Variants in LINGO1 observed in about 807,000 individuals in gnomAD.
LINGO1 encodes the protein leucine rich repeat and Ig domain containing 1, also known as leucine-rich repeat and immunoglobulin-like domain-containing nogo receptor-interacting protein 1.
In LINGO1, 11 loss-of-function variants were observed where a neutral mutation model predicts 37.3. The observed-to-expected ratio is 0.29, with a 90% CI of 0.19 to 0.49. The LOEUF is 0.49. Ranked by LOEUF, LINGO1 falls within the 20% of genes least tolerant of loss-of-function variation. The pLI is 0.99. For synonymous variants in LINGO1, 387 were observed against 403.0 expected, an observed-to-expected ratio of 0.96 and a Z score of 0.48; for missense variants, 585 against 878.2, an observed-to-expected ratio of 0.67 and a Z score of 4.22.
rs941964828 is a variant in LINGO1, at chr15:77,613,672, G to A, written c.*372C>T. 1.7e-5 allele frequency: 4 copies of A among 229,284 alleles called. No homozygotes were observed. Among genetic ancestry groups the A allele is most frequent in the African/African-American group, 9.0e-5 (4 of 44,448 alleles). 14.2% of individuals were successfully genotyped at this position (229,284 alleles called of 1,614,324 possible). On this transcript the variant is annotated 3_prime_UTR_variant, in exon 2 of 2. Coordinates refer to ENST00000355300, the MANE Select transcript of LINGO1 (RefSeq NM_032808.7). ...GCATTCCGACTAGCTATAGGAAATAGTTTTTTTCTCTTTTTATTATTTCAA... is the reference window on the plus strand; with the variant it reads ...GCATTCCGACTAGCTATAGGAAATAATTTTTTTCTCTTTTTATTATTTCAA...
intron 3 of LINGO1, among the ~76,000 whole-genome samples, chr15:77,655,843 T>C (rs1444102712): frequency 6.6e-6 from 1 of 152,188 alleles, no homozygotes; most frequent in Non-Finnish European, 1.5e-5. Flanking sequence ...CCCCACCTTC[T>C]CGCCCTCCTC....
At chr15:77,629,030 C>T (rs182884427) in intron 1 of LINGO1, among the ~76,000 whole-genome samples, 14 of 152,320 alleles carry the variant, frequency 9.2e-5, no homozygotes, top group African/African-American at 3.1e-4. Context: ...CTAATTGTCA[C>T]GACCTCCCTT....
chr15:77,818,714 C>A (rs1476477345), intron 1 of LINGO1, among the ~76,000 whole-genome samples: 1 of 152,138 alleles, frequency 6.6e-6, no homozygotes, highest in Non-Finnish European at 1.5e-5. Flanking sequence ...GGCCCTGGGC[C>A]TGGGAGCTGT....
At chr15:77,778,950 CCT>C (rs2076688290) in intron 1 of LINGO1, among the ~76,000 whole-genome samples, 1 of 152,028 alleles carries the variant, frequency 6.6e-6, no homozygotes, top group African/African-American at 2.4e-5. Flanking sequence ...CAATTCCTCC[CCT>C]CTCTTACCAC....
chr15:77,816,302 G>A (rs1263315082), intron 1 of LINGO1, among the ~76,000 whole-genome samples: 4 of 152,156 alleles, frequency 2.6e-5, no homozygotes, highest in African/African-American at 4.8e-5. Flanking sequence ...AATGTGAAGC[G>A]AGGCTCCAGG....
chr15:77,695,257 G>A (rs773090088), intron 1 of LINGO1, among the ~76,000 whole-genome samples: 100 of 152,284 alleles, frequency 6.6e-4, no homozygotes, highest in African/African-American at 1.4e-3. Flanking sequence ...CAGGCAGTTC[G>A]AAGAGGCAGC....
chr15:77,664,171 G>GTGTGCGCGCGCA (rs1491170228), intron 3 of LINGO1, among the ~76,000 whole-genome samples: 9 of 88,256 alleles, frequency 1.0e-4, no homozygotes, highest in African/African-American at 4.7e-4. Context: ...GTGTGTGTGT[G>GTGTGCGCGCGCA]CGCGCGCGCA....
At position 77,692,982 on chromosome 15, in the gene LINGO1, C is replaced by A. The variant is rs373967681; in HGVS notation, c.-280-2081G>T. Among the ~76,000 whole-genome samples, 38 of 152,336 alleles carry A rather than the reference C, an allele frequency of 2.5e-4. 1 individual carries two copies. The South Asian group carries it at 7.9e-3, about 32-fold the overall frequency. On this transcript the variant is annotated intron_variant, in intron 1 of 3. Coordinates refer to the LINGO1 transcript ENST00000559893. ...TATGAGTGTGCATGAACATGGCCCACAGGGACACGTGTGTCTCCTACGCAC... is the reference window on the plus strand; with the variant it reads ...TATGAGTGTGCATGAACATGGCCCAAAGGGACACGTGTGTCTCCTACGCAC...
chr15:77,720,091 C>T (rs1481323162), intron 2 of LINGO1, among the ~76,000 whole-genome samples: 1 of 150,102 alleles, frequency 6.7e-6, no homozygotes, highest in African/African-American at 2.4e-5. Flanking sequence ...CTAGCACACA[C>T]ACCACCACCC....
chr15:77,782,729 C>T (rs2076732718), intron 1 of LINGO1, among the ~76,000 whole-genome samples: 1 of 151,890 alleles, frequency 6.6e-6, no homozygotes, highest in African/African-American at 2.4e-5. Context: ...GCCATCTGCA[C>T]CCCCACCCTG....
At chr15:77,755,647 C>T (rs942949282) in intron 1 of LINGO1, among the ~76,000 whole-genome samples, 2 of 152,172 alleles carry the variant, frequency 1.3e-5, no homozygotes, top group Non-Finnish European at 2.9e-5. Context: ...TTCTGGTTAA[C>T]ACCTTCCCAA....
chr15:77,615,819 C>A lies in LINGO1; in HGVS notation c.88G>T (p.Val30Leu). ...GAGCCTGACAGCACTGAGCCCAGCA[C>A]CAGCAGGAGGATGGGCTGCCAGCAG... is the stretch of plus-strand genomic sequence containing the variant. ...LACWQPILLL[V>L]LGSVLSGSAT... Residue 30 changes from valine (V) to leucine (L), a missense_variant, in exon 2 of 2, where the codon GTG (valine) becomes TTG (leucine). Coordinates refer to ENST00000355300, the MANE Select transcript of LINGO1 (RefSeq NM_032808.7). 6.5e-7 allele frequency: 1 copy of A among 1,532,054 alleles called. No homozygotes were observed. The allele number at this position is 1,532,054 out of a possible 1,614,324, so 94.9% of individuals were successfully genotyped here. A position where few individuals can be genotyped will look rare whatever the true frequency, so the allele number is the denominator to read the frequency against.
rs1462553656 is a variant in LINGO1 at position 77,614,787 on chromosome 15, C to T, written c.1120G>A (p.Asp374Asn). The change falls in exon 2 of 2, where the codon GAC becomes AAC. Residue 374 changes from aspartate to asparagine, a missense_variant. Coordinates refer to ENST00000355300, the MANE Select transcript of LINGO1 (RefSeq NM_032808.7). The stretch of plus-strand genomic sequence containing the variant: ...CGGAACACCCACAGGAGCCGACAGT[C>T]GCAGGCCAGCGGGTTGGAGTCCAGG... ...LILDSNPLAC[D>N]CRLLWVFRRR... 1.2e-6 allele frequency: 2 copies of T among 1,609,616 alleles called. No homozygotes were observed. Among genetic ancestry groups the T allele is most frequent in the Middle Eastern group, 1.7e-4 (1 of 6,058 alleles).
At chr15:77,646,755 AC>A (rs2074639956) in intron 3 of LINGO1, among the ~76,000 whole-genome samples, 1 of 152,224 alleles carries the variant, frequency 6.6e-6, no homozygotes, top group Admixed American at 6.5e-5. Flanking sequence ...AAGTGACTGG[AC>A]GGGATTAGCT....
At chr15:77,624,646 CG>C (rs1003333310) in intron 1 of LINGO1, among the ~76,000 whole-genome samples, 1 of 152,084 alleles carries the variant, frequency 6.6e-6, no homozygotes, top group African/African-American at 2.4e-5. Flanking sequence ...GAGTGAGAGT[CG>C]GGCAGGGCTG....
intron 3 of LINGO1, among the ~76,000 whole-genome samples, chr15:77,665,899 C>G (rs1463299158): frequency 6.6e-6 from 1 of 152,204 alleles, no homozygotes; most frequent in Non-Finnish European, 1.5e-5. Flanking sequence ...TTCTGTGCAG[C>G]CTCTCTCCCC....
intron 1 of LINGO1, among the ~76,000 whole-genome samples, chr15:77,628,406 A>G (rs1210906380): frequency 1.3e-5 from 2 of 152,248 alleles, no homozygotes; most frequent in African/African-American, 2.4e-5. Context: ...ATTCACAACA[A>G]TATAGATGAA....
intron 2 of LINGO1, among the ~76,000 whole-genome samples, chr15:77,706,233 C>A (rs970179325): frequency 6.6e-6 from 1 of 152,144 alleles, no homozygotes; most frequent in Admixed American, 6.5e-5. Context: ...AAACCAGAAA[C>A]CTCGCCTCCC....
chr15:77,812,197 C>A (rs1258281126), intron 1 of LINGO1, among the ~76,000 whole-genome samples: 1 of 152,230 alleles, frequency 6.6e-6, no homozygotes, highest in East Asian at 1.9e-4. Context: ...TGTCTTGTGA[C>A]CACACCTCCC....
Sources: gnomAD v4.1 joint callset for allele counts (sites outside exome capture counted in the v4.1 genomes callset) on GRCh38, gnomAD v4.1.1 for gene constraint, MANE v1.5 for transcripts, NCBI Gene and HGNC (gene_info 2026-07-23, HGNC 2026-07-21) for gene names.